Variants in NEIL3 observed in about 807,000 individuals in gnomAD.
The protein encoded by NEIL3 is endonuclease 8-like 3.
A neutral mutation model predicts 57.5 loss-of-function variants in NEIL3; 48 were observed. That is an observed-to-expected ratio of 0.83 (90% CI 0.66 to 1.06). The LOEUF is 1.06. Ranked by LOEUF, NEIL3 falls within the 50% of genes least tolerant of loss-of-function variation. The pLI, the probability that NEIL3 is intolerant of heterozygous loss-of-function variation, is 0.00. For synonymous variants in NEIL3, 261 were observed against 253.2 expected (o/e 1.03, Z -0.29); for missense variants, 717 against 739.1 (o/e 0.97, Z 0.35).
At chr4:177,319,480 TG>T (rs570648896) in intron 1 of NEIL3, among the ~76,000 whole-genome samples, 1 of 152,130 alleles carries the variant, frequency 6.6e-6, no homozygotes, top group Non-Finnish European at 1.5e-5. Context: ...AGTAGGCTTT[TG>T]GGGGAACAAG....
chr4:177,325,452 G>A (rs1734763572), intron 2 of NEIL3, among the ~76,000 whole-genome samples: 1 of 152,024 alleles, frequency 6.6e-6, no homozygotes, highest in Admixed American at 6.6e-5. Context: ...TTCATCAGAT[G>A]ATGGACATTT....
intron 1 of NEIL3, among the ~76,000 whole-genome samples, chr4:177,320,480 T>G (rs1400931276): frequency 2.3e-5 from 2 of 86,880 alleles, no homozygotes; most frequent in Non-Finnish European, 5.6e-5. Context: ...TTTTTTTTTT[T>G]TTTTTTTTTT....
intron 6 of NEIL3, among the ~76,000 whole-genome samples, chr4:177,344,476 TCATGAAGTCCTCCCC>T (rs896044353): frequency 6.6e-6 from 1 of 152,202 alleles, no homozygotes; most frequent in Non-Finnish European, 1.5e-5. Context: ...CTTACTGAAC[TCATGAAGTCCTCCCC>T]CAATTTTCCA....
the NEIL3 span, among the ~76,000 whole-genome samples, chr4:177,369,707 C>T: frequency 6.6e-6 from 1 of 152,250 alleles, no homozygotes; most frequent in Non-Finnish European, 1.5e-5. Context: ...TCTGCACCAG[C>T]CCTGACTGTG....
intron 1 of NEIL3, among the ~76,000 whole-genome samples, chr4:177,318,292 T>G (rs1474101455): frequency 1.3e-5 from 2 of 152,166 alleles, no homozygotes; most frequent in African/African-American, 4.8e-5. Context: ...AACCCTTACT[T>G]TTGTCAGTTT....
chr4:177,325,103 G>A (rs1466833507), intron 2 of NEIL3, among the ~76,000 whole-genome samples: 2 of 152,076 alleles, frequency 1.3e-5, no homozygotes, highest in African/African-American at 4.8e-5. Context: ...TATTTTGGAG[G>A]CTTTGCCATT....
intron 2 of NEIL3, among the ~76,000 whole-genome samples, chr4:177,323,852 C>T (rs144031379): frequency 2.6e-4 from 40 of 152,252 alleles, no homozygotes; most frequent in African/African-American, 8.7e-4. Context: ...TCTCAGCACA[C>T]GGCTGTCAGT....
intron 6 of NEIL3, 83 bp downstream of exon 6, chr4:177,341,725 C>A: frequency 8.5e-7 from 1 of 1,179,290 alleles, no homozygotes; most frequent in Non-Finnish European, 1.2e-6. Context: ...AACTGAATAA[C>A]TGTCAGGCTA....
chr4:177,331,052 T>TC (rs1734876557), intron 2 of NEIL3, among the ~76,000 whole-genome samples: 2 of 152,126 alleles, frequency 1.3e-5, no homozygotes, highest in African/African-American at 2.4e-5. Flanking sequence ...GTCGATGAAT[T>TC]CAACAACTAA....
rs1294252168 is a variant in NEIL3 at position 177,362,636 on chromosome 4, G to C, written c.*165G>C. ...TTGTGTGTGCCATCTTTCCATTGTT[G>C]GCTACGTCTTTTCTTTTGCCTTGAT... On this transcript the variant is annotated 3_prime_UTR_variant, in exon 10 of 10. Transcript: ENST00000264596. 1 of 531,910 alleles carries C rather than the reference G, an allele frequency of 1.9e-6. No homozygotes were observed. Among genetic ancestry groups the C allele is most frequent in the Non-Finnish European group, 3.2e-6 (1 of 312,644 alleles). 32.9% of individuals were successfully genotyped at this position (531,910 alleles called of 1,614,324 possible).
In NEIL3 at chr4:177,332,033, G is replaced by A. The variant is rs527754931; in HGVS notation, c.279-3655G>A. On this transcript the variant is annotated intron_variant, in intron 2 of 9. Transcript: ENST00000264596. ...CCTCTCCACCATGTAGACTGCTGTC[G>A]CTTGTGACTCAGTGGGAGGCTTATG... Among the ~76,000 whole-genome samples, 25 of 152,286 alleles carry A rather than the reference G, an allele frequency of 1.6e-4. 1 individual carries two copies. The highest frequency in any genetic ancestry group is 5.5e-4 in the African/African-American group (23 of 41,558).
intron 2 of NEIL3, among the ~76,000 whole-genome samples, chr4:177,331,271 A>G (rs1421820809): frequency 6.6e-6 from 1 of 151,836 alleles, no homozygotes; most frequent in African/African-American, 2.4e-5. Flanking sequence ...GATAATTTCT[A>G]TTAATCTATA....
intron 2 of NEIL3, among the ~76,000 whole-genome samples, chr4:177,334,904 G>C (rs1289824716): frequency 1.3e-5 from 2 of 152,136 alleles, no homozygotes; most frequent in Non-Finnish European, 2.9e-5. Flanking sequence ...AGGTCTTACA[G>C]AACTACTTTT....
intron 6 of NEIL3, among the ~76,000 whole-genome samples, chr4:177,344,344 T>A (rs1735166317): frequency 6.6e-6 from 1 of 152,210 alleles, no homozygotes; most frequent in Admixed American, 6.5e-5. Context: ...GAGTATTTGA[T>A]CCTTTTTTAT....
At chr4:177,342,279 G>A (rs1735110684) in intron 6 of NEIL3, among the ~76,000 whole-genome samples, 1 of 152,298 alleles carries the variant, frequency 6.6e-6, no homozygotes, top group East Asian at 1.9e-4. Context: ...TCCTTGAAAA[G>A]TCTGATTATT....
chr4:177,334,943 T>A (rs988598554), intron 2 of NEIL3, among the ~76,000 whole-genome samples: 1 of 152,224 alleles, frequency 6.6e-6, no homozygotes, highest in East Asian at 1.9e-4. Context: ...TAATCAATCC[T>A]ATAAAATCTG....
intron 1 of NEIL3, among the ~76,000 whole-genome samples, chr4:177,315,645 G>T (rs565338833): frequency 1.3e-5 from 2 of 152,192 alleles, no homozygotes; most frequent in South Asian, 4.1e-4. Flanking sequence ...TAAATCTTAG[G>T]TTTATTGCAA....
chr4:177,332,995 C>T (rs1419113255), intron 2 of NEIL3, among the ~76,000 whole-genome samples: 2 of 151,878 alleles, frequency 1.3e-5, no homozygotes, highest in Admixed American at 1.3e-4. Context: ...CACTTTCAGC[C>T]TTCTGCATCC....
intron 7 of NEIL3, among the ~76,000 whole-genome samples, chr4:177,352,961 A>G (rs1481680550): frequency 2.6e-5 from 4 of 152,146 alleles, no homozygotes; most frequent in Admixed American, 1.3e-4. Context: ...GCTTTATGGG[A>G]TATCATCTCT....
Sources: gnomAD v4.1 joint callset for allele counts (sites outside exome capture counted in the v4.1 genomes callset) on GRCh38, gnomAD v4.1.1 for gene constraint, MANE v1.5 for transcripts, NCBI Gene and HGNC (gene_info 2026-07-23, HGNC 2026-07-21) for gene names.